The following ERC2 variants were observed in gnomAD, a reference collection of about 807,000 sequenced individuals.
The protein encoded by ERC2 is ERC protein 2.
ERC2 carries 42 observed loss-of-function variants against 114.8 expected under a neutral mutation model. The observed-to-expected ratio is 0.37, with a 90% CI of 0.29 to 0.47. ERC2 has a LOEUF of 0.47. ERC2 is among the 20% of genes least tolerant of loss of function. The pLI, the probability that ERC2 is intolerant of heterozygous loss-of-function variation, is 0.99. For synonymous variants in ERC2, 454 were observed against 425.5 expected (o/e 1.07, Z -0.82); for missense variants, 939 against 1,150.7 (o/e 0.82, Z 2.66).
At chr3:56,098,460 A>C (rs975694211) in intron 6 of ERC2, among the ~76,000 whole-genome samples, 1 of 152,184 alleles carries the variant, frequency 6.6e-6, no homozygotes, top group African/African-American at 2.4e-5. Flanking sequence ...CCTCCACTTC[A>C]TCCCTAGGCA....
At chr3:55,740,956 G>A (rs1465611935) in intron 14 of ERC2, among the ~76,000 whole-genome samples, 1 of 152,116 alleles carries the variant, frequency 6.6e-6, no homozygotes, top group Non-Finnish European at 1.5e-5. Flanking sequence ...CAGTTGGTAA[G>A]TGTAATACAA....
chr3:56,170,613 T>TTTTGAGGTAGTGTC (rs2082606749), intron 4 of ERC2, among the ~76,000 whole-genome samples: 2 of 149,482 alleles, frequency 1.3e-5, no homozygotes, highest in Admixed American at 6.7e-5. Flanking sequence ...TTTTTTTTTT[T>TTTTGAGGTAGTGTC]TGAGGTAGTG....
At chr3:55,729,645 C>T (rs1380706014) in intron 15 of ERC2, among the ~76,000 whole-genome samples, 1 of 151,692 alleles carries the variant, frequency 6.6e-6, no homozygotes, top group African/African-American at 2.4e-5. Flanking sequence ...CAAGACCAGC[C>T]TGACCTAGCG....
intron 2 of ERC2, among the ~76,000 whole-genome samples, chr3:56,379,146 C>T (rs1158449564): frequency 3.9e-5 from 6 of 152,096 alleles, no homozygotes; most frequent in Admixed American, 3.9e-4. Flanking sequence ...ATTCAGATAG[C>T]CCACAGTTCA....
At chr3:55,841,226 C>T (rs950637713) in intron 14 of ERC2, among the ~76,000 whole-genome samples, 1 of 152,174 alleles carries the variant, frequency 6.6e-6, no homozygotes, top group Admixed American at 6.5e-5. Context: ...TGAATTGTAG[C>T]TCCCATAATT....
chr3:56,199,751 C>T (rs1000307756), intron 3 of ERC2, among the ~76,000 whole-genome samples: 1 of 152,120 alleles, frequency 6.6e-6, no homozygotes, highest in Non-Finnish European at 1.5e-5. Context: ...TCAAGTAATC[C>T]TCCCATCTTG....
intron 3 of ERC2, among the ~76,000 whole-genome samples, chr3:56,223,430 G>A (rs79907411): frequency 1.7e-4 from 26 of 148,638 alleles, no homozygotes; most frequent in African/African-American, 5.7e-4. Context: ...GGCAACATAC[G>A]CAAGAAAGTG....
intron 3 of ERC2, among the ~76,000 whole-genome samples, chr3:56,186,561 C>T (rs1186805164): frequency 2.0e-5 from 3 of 152,054 alleles, no homozygotes; most frequent in African/African-American, 7.2e-5. Context: ...GACAGAGTTT[C>T]GCTCTTGTTG....
chr3:56,260,699 T>C (rs891704172), intron 3 of ERC2, among the ~76,000 whole-genome samples: 2 of 152,182 alleles, frequency 1.3e-5, no homozygotes, highest in African/African-American at 4.8e-5. Context: ...CTTCTCCTCC[T>C]CCCTCCATAC....
chr3:56,344,083 G>A (rs771079140), intron 2 of ERC2, among the ~76,000 whole-genome samples: 5 of 152,084 alleles, frequency 3.3e-5, no homozygotes, highest in African/African-American at 9.7e-5. Flanking sequence ...AGAGGCAGAC[G>A]GATGTTTCAA....
chr3:56,376,690 G>A (rs1356344930), intron 2 of ERC2, among the ~76,000 whole-genome samples: 1 of 151,928 alleles, frequency 6.6e-6, no homozygotes, highest in African/African-American at 2.4e-5. Context: ...TTGAATCCGG[G>A]AGGCGGAGGT....
intron 2 of ERC2, among the ~76,000 whole-genome samples, chr3:56,315,648 C>T (rs2056829238): frequency 6.6e-6 from 1 of 151,824 alleles, no homozygotes; most frequent in Non-Finnish European, 1.5e-5. Flanking sequence ...GAAATTTCTC[C>T]AAAAGTACAG....
chr3:55,979,281 C>T (rs572556260), intron 12 of ERC2, among the ~76,000 whole-genome samples: 1 of 152,342 alleles, frequency 6.6e-6, no homozygotes, highest in Admixed American at 6.5e-5. Context: ...ACACCAATGG[C>T]TGGTGAGAGA....
intron 2 of ERC2, chr3:56,433,969 C>T (rs58145335): frequency 0.15 from 28,638 of 190,062 alleles, 2,821 homozygotes; most frequent in Non-Finnish European, 0.21. Flanking sequence ...AAATGTTGCT[C>T]TTAAAGTCTT....
intron 14 of ERC2, among the ~76,000 whole-genome samples, chr3:55,861,879 T>C (rs2062043552): frequency 6.6e-6 from 1 of 152,164 alleles, no homozygotes; most frequent in African/African-American, 2.4e-5. Flanking sequence ...TTTCATCAGG[T>C]TGTTCCAAAG....
chr3:56,310,004 A>G lies in ERC2; in HGVS notation c.658-13569T>C, dbSNP rs112603373. On this transcript the variant is annotated intron_variant, in intron 2 of 17. Transcript: ENST00000288221. Reference sequence around the variant, plus strand: ...AGAGAAAAAGGGAAATAGATGTTTTAAGACCAATTCGAAGATGGATATAAT... The same window carrying G: ...AGAGAAAAAGGGAAATAGATGTTTTGAGACCAATTCGAAGATGGATATAAT... 8.7e-3 allele frequency among the ~76,000 whole-genome samples: 1,325 copies of G among 152,340 alleles called. 30 individuals carry two copies. Among genetic ancestry groups the G allele is most frequent in the African/African-American group, 0.03 (1,264 of 41,576 alleles).
chr3:55,808,642 T>C (rs1406454019), intron 14 of ERC2, among the ~76,000 whole-genome samples: 4 of 142,406 alleles, frequency 2.8e-5, no homozygotes, highest in Non-Finnish European at 6.0e-5. Context: ...AAATTTTGAC[T>C]CAGAGAGGGT....
intron 15 of ERC2, among the ~76,000 whole-genome samples, chr3:55,728,013 T>C (rs2065026367): frequency 6.6e-6 from 1 of 152,108 alleles, no homozygotes; most frequent in Non-Finnish European, 1.5e-5. Context: ...CCTAGAATAT[T>C]GGGGTGAGAA....
At chr3:55,987,527 T>G (rs918586820) in intron 11 of ERC2, among the ~76,000 whole-genome samples, 1 of 152,204 alleles carries the variant, frequency 6.6e-6, no homozygotes, top group Non-Finnish European at 1.5e-5. Flanking sequence ...AAGTGAAAAT[T>G]ACTCGGCAAG....
Sources: gnomAD v4.1 joint callset for allele counts (sites outside exome capture counted in the v4.1 genomes callset) on GRCh38, gnomAD v4.1.1 for gene constraint, MANE v1.5 for transcripts, NCBI Gene and HGNC (gene_info 2026-07-23, HGNC 2026-07-21) for gene names.